The following PCDHGA3 variants were observed in gnomAD, a reference collection of about 807,000 sequenced individuals.
The protein encoded by PCDHGA3 is protocadherin gamma-A3.
A neutral mutation model predicts 58.5 loss-of-function variants in PCDHGA3; 40 were observed. The observed-to-expected ratio is 0.68, with a 90% confidence interval of 0.53 to 0.89. The LOEUF (loss-of-function observed/expected upper bound fraction) is 0.89. Ranked by LOEUF, PCDHGA3 falls within the 40% of genes least tolerant of loss-of-function variation. The probability of loss-of-function intolerance (pLI) is 0.00; values close to 1 mark genes in which losing one functional copy is unlikely to be tolerated. For missense variants in PCDHGA3, 1,223 were observed against 1,195.9 expected, an observed-to-expected ratio of 1.02 and a Z score of -0.33; for synonymous variants, 530 against 525.7, an observed-to-expected ratio of 1.01 and a Z score of -0.11.
intron 1 of PCDHGA3, 181 bp downstream of exon 1, chr5:141,346,638 GT>G (rs1757785998): frequency 1.1e-6 from 1 of 911,562 alleles, no homozygotes; most frequent in Non-Finnish European, 1.6e-6. Flanking sequence ...TCTGGTTATG[GT>G]TGAGTGGGCT....
chr5:141,423,210 C>A (rs954945082), intron 1 of PCDHGA3: 2 of 1,613,578 alleles, frequency 1.2e-6, no homozygotes, highest in East Asian at 4.5e-5. Flanking sequence ...CCGTCACGCT[C>A]ACCGTGGCTG....
intron 1 of PCDHGA3, chr5:141,350,468 G>C (rs756415779): frequency 1.2e-6 from 2 of 1,613,906 alleles, no homozygotes; most frequent in Non-Finnish European, 1.7e-6. Flanking sequence ...TAGTGCAGAG[G>C]ATTATTTCAA....
At chr5:141,361,215 G>C in intron 1 of PCDHGA3, 1 of 1,613,962 alleles carries the variant, frequency 6.2e-7, no homozygotes. Context: ...CGGAGGATTC[G>C]CCACCAGGAA....
chr5:141,346,881 G>A (rs534651488), intron 1 of PCDHGA3, among the ~76,000 whole-genome samples: 19 of 152,298 alleles, frequency 1.2e-4, no homozygotes, highest in Admixed American at 9.8e-4. Context: ...ATTCCAACCT[G>A]TATAGCTTAT....
intron 1 of PCDHGA3, chr5:141,357,432 C>A (rs1217622560): frequency 3.7e-6 from 6 of 1,614,212 alleles, no homozygotes; most frequent in Non-Finnish European, 5.1e-6. Flanking sequence ...TGGGCGTGGA[C>A]GGGGTTCGGG....
At chr5:141,383,331 G>A (rs1374498220) in intron 1 of PCDHGA3, 1 of 1,613,874 alleles carries the variant, frequency 6.2e-7, no homozygotes, top group East Asian at 2.2e-5. Flanking sequence ...AAATAATGGA[G>A]AATACAGCTC....
intron 1 of PCDHGA3, chr5:141,389,928 C>A: frequency 6.2e-7 from 1 of 1,614,068 alleles, no homozygotes. Flanking sequence ...CCCCTCTGAC[C>A]TCCAGGCTGA....
chr5:141,364,561 G>A (rs1763407213), intron 1 of PCDHGA3: 1 of 1,614,078 alleles, frequency 6.2e-7, no homozygotes. Flanking sequence ...TTTTTGCCCT[G>A]AACCCGCGAA....
intron 1 of PCDHGA3, among the ~76,000 whole-genome samples, chr5:141,354,288 A>G: frequency 6.6e-6 from 1 of 152,310 alleles, no homozygotes; most frequent in African/African-American, 2.4e-5. Flanking sequence ...GTCATTCATG[A>G]AACATTGAAA....
In PCDHGA3 at chr5:141,432,142, C is replaced by T; in HGVS notation, c.2425-62665C>T. 1 of 1,614,098 alleles carries T rather than the reference C, an allele frequency of 6.2e-7. No individual in the cohort carries two copies. Among genetic ancestry groups the T allele is most frequent in the Non-Finnish European group, 8.5e-7 (1 of 1,180,016 alleles). On this transcript the variant is annotated intron_variant, in intron 1 of 3. Transcript: ENST00000253812. This position sits in a 1 kb window ranked among gnomAD's most constrained non-coding sequence, Gnocchi z 6.0. Reference sequence around the variant, plus strand: ...CTCAGGCCTCCTATTCCGCTTATATCCCAGAGAACAATCCCAGAGGAGTTT... The same window carrying T: ...CTCAGGCCTCCTATTCCGCTTATATTCCAGAGAACAATCCCAGAGGAGTTT...
chr5:141,365,004 C>A (rs746525916), intron 1 of PCDHGA3: 1 of 1,613,818 alleles, frequency 6.2e-7, no homozygotes, highest in African/African-American at 1.3e-5. Flanking sequence ...CTCTCCGGCA[C>A]CACGCACATC....
intron 1 of PCDHGA3, among the ~76,000 whole-genome samples, chr5:141,450,093 G>A (rs1330425383): frequency 2.8e-5 from 4 of 143,748 alleles, no homozygotes; most frequent in East Asian, 2.1e-4. Context: ...TGCAACCTCC[G>A]CCTCCCAGGT....
At chr5:141,457,554 G>A (rs2098924282) in intron 1 of PCDHGA3, among the ~76,000 whole-genome samples, 1 of 152,166 alleles carries the variant, frequency 6.6e-6, no homozygotes, top group Admixed American at 6.5e-5. Flanking sequence ...TGTATGATAA[G>A]CTTTGGAGCA....
chr5:141,409,571 T>TACGTGGTCC (rs2095286242), intron 1 of PCDHGA3: 2 of 1,613,932 alleles, frequency 1.2e-6, no homozygotes, highest in East Asian at 4.5e-5. Context: ...CCAGACGTCC[T>TACGTGGTCC]ACGTGGTCCA....
chr5:141,399,093 A>C, intron 1 of PCDHGA3: 1 of 1,613,820 alleles, frequency 6.2e-7, no homozygotes. Flanking sequence ...ATGGTGGTGG[A>C]CTGGTTGCAC....
intron 1 of PCDHGA3, chr5:141,366,985 G>T: frequency 8.1e-6 from 4 of 493,386 alleles, no homozygotes; most frequent in Non-Finnish European, 1.4e-5. Flanking sequence ...AAAGGAAAGT[G>T]GTTAAATATA....
At chr5:141,510,589 A>G (rs1043188276) in intron 3 of PCDHGA3, among the ~76,000 whole-genome samples, 2 of 152,194 alleles carry the variant, frequency 1.3e-5, no homozygotes, top group African/African-American at 2.4e-5. Context: ...CGTACCTGAC[A>G]TACATTTTCT....
chr5:141,473,219 G>A (rs1198994780), intron 1 of PCDHGA3, among the ~76,000 whole-genome samples: 2 of 151,864 alleles, frequency 1.3e-5, no homozygotes, highest in Non-Finnish European at 2.9e-5. Flanking sequence ...TTACTTCCAG[G>A]GAGATTGGAT....
chr5:141,489,225 A>G lies in PCDHGA3; in HGVS notation c.2425-5582A>G. 3 of 1,518,230 alleles carry G rather than the reference A, an allele frequency of 2.0e-6. No individual in the cohort carries two copies. Among genetic ancestry groups the G allele is most frequent in the East Asian group, 2.3e-5 (1 of 44,234 alleles). 94.0% of individuals were successfully genotyped at this position (1,518,230 alleles called of 1,614,324 possible). On this transcript the variant is annotated intron_variant, in intron 1 of 3. Coordinates refer to ENST00000253812, the MANE Select transcript of PCDHGA3 (RefSeq NM_018916.4). The surrounding 1 kb of genome is among the most constrained non-coding windows in gnomAD (Gnocchi z 4.5). ...GGACAGCACAGACTTACTCTCCACA[A>G]AGGGACTTCTGGGTCATGGGGCCCA...
Sources: gnomAD v4.1 joint callset for allele counts (sites outside exome capture counted in the v4.1 genomes callset) on GRCh38, gnomAD v4.1.1 for gene constraint, Gnocchi (gnomAD v3.1) non-coding constraint, MANE v1.5 for transcripts, NCBI Gene and HGNC (gene_info 2026-07-23, HGNC 2026-07-21) for gene names.